MAP3K5: variants seen among roughly 807,000 people sequenced by gnomAD.
MAP3K5 encodes the protein ASK-1.
MAP3K5 carries 56 observed loss-of-function variants against 158.7 expected under a neutral mutation model. The observed-to-expected ratio is 0.35, with a 90% CI of 0.28 to 0.44. The LOEUF is 0.44. MAP3K5 is among the 20% of genes least tolerant of loss of function. The pLI, the probability that MAP3K5 is intolerant of heterozygous loss-of-function variation, is 1.00. For missense variants in MAP3K5, 1,294 were observed against 1,674.8 expected (o/e 0.77, Z 3.97); for synonymous variants, 579 against 601.7 (o/e 0.96, Z 0.55).
intron 5 of MAP3K5, 54 bp downstream of exon 5, chr6:136,697,165 C>T (rs1001593452): frequency 2.6e-6 from 4 of 1,513,512 alleles, no homozygotes; most frequent in Admixed American, 1.9e-5. Flanking sequence ...TTAATACTCC[C>T]TTATCCCTCC....
At chr6:136,759,599 T>C (rs1187182213) in intron 1 of MAP3K5, among the ~76,000 whole-genome samples, 1 of 150,702 alleles carries the variant, frequency 6.6e-6, no homozygotes, top group Non-Finnish European at 1.5e-5. Context: ...GCCTCCTGAA[T>C]AGCTGGGACT....
intron 1 of MAP3K5, among the ~76,000 whole-genome samples, chr6:136,738,346 G>A (rs1341651720): frequency 6.6e-6 from 1 of 152,086 alleles, no homozygotes; most frequent in Non-Finnish European, 1.5e-5. Flanking sequence ...CCTTATAGCT[G>A]CGGACCTGCT....
At chr6:136,585,473 C>CTTTCTTTCTTTCTTTCTTTATTTA (rs562356592) in intron 23 of MAP3K5, among the ~76,000 whole-genome samples, 1 of 135,038 alleles carries the variant, frequency 7.4e-6, no homozygotes, top group African/African-American at 2.7e-5. Flanking sequence ...CTTTTCTTTT[C>CTTTCTTTCTTTCTTTCTTTATTTA]TTTATTTATT....
At chr6:136,713,165 CT>C (rs1781382972) in intron 2 of MAP3K5, among the ~76,000 whole-genome samples, 2 of 152,194 alleles carry the variant, frequency 1.3e-5, no homozygotes, top group African/African-American at 4.8e-5. Context: ...TTCAGCAAGG[CT>C]TGCCCCACTC....
At chr6:136,779,996 G>A (rs1784552279) in intron 1 of MAP3K5, among the ~76,000 whole-genome samples, 1 of 152,222 alleles carries the variant, frequency 6.6e-6, no homozygotes, top group Admixed American at 6.5e-5. Flanking sequence ...AAAGCACTTG[G>A]AGAGACAGGC....
chr6:136,682,559 T>C (rs1206197917), intron 7 of MAP3K5, among the ~76,000 whole-genome samples: 2 of 152,254 alleles, frequency 1.3e-5, no homozygotes, highest in Non-Finnish European at 2.9e-5. Context: ...AGAAAACTAG[T>C]TGATAAGGCC....
chr6:136,594,214 G>A (rs1465282241), intron 21 of MAP3K5, among the ~76,000 whole-genome samples: 1 of 152,180 alleles, frequency 6.6e-6, no homozygotes, highest in Non-Finnish European at 1.5e-5. Flanking sequence ...AGCAGCTCAT[G>A]GGCCTAGCAT....
intron 14 of MAP3K5, among the ~76,000 whole-genome samples, chr6:136,627,168 C>G (rs1227642514): frequency 6.6e-6 from 1 of 152,134 alleles, no homozygotes; most frequent in African/African-American, 2.4e-5. Flanking sequence ...TTATTGCCAA[C>G]TGTTCTCAGA....
intron 25 of MAP3K5, among the ~76,000 whole-genome samples, chr6:136,578,268 C>T (rs1774708927): frequency 6.6e-6 from 1 of 152,162 alleles, no homozygotes; most frequent in Admixed American, 6.5e-5. Flanking sequence ...GCTTCAAAGG[C>T]TCTCTAGAAT....
Position 136,698,045 on chromosome 6 carries a change from T to A in MAP3K5, c.806+444A>T, listed in dbSNP as rs1369584100. ...CAGGCATGAGCCACGGCACTGGCCG[T>A]GATGTACCTATGATTTGAACATAAT... is the stretch of plus-strand genomic sequence containing the variant. On this transcript the variant is annotated intron_variant, in intron 4 of 29. Coordinates refer to ENST00000359015, the MANE Select transcript of MAP3K5 (RefSeq NM_005923.4). Among the ~76,000 whole-genome samples, 7 of 152,260 alleles carry A rather than the reference T, an allele frequency of 4.6e-5. 1 individual carries two copies. Among genetic ancestry groups the A allele is most frequent in the African/African-American group, 1.7e-4 (7 of 41,554 alleles).
At chr6:136,748,681 A>G (rs1423099934) in intron 1 of MAP3K5, among the ~76,000 whole-genome samples, 1 of 152,242 alleles carries the variant, frequency 6.6e-6, no homozygotes, top group Non-Finnish European at 1.5e-5. Context: ...ACAATAAGAT[A>G]CCTTAGAAAT....
At chr6:136,734,194 G>A (rs1263110522) in intron 1 of MAP3K5, among the ~76,000 whole-genome samples, 4 of 151,986 alleles carry the variant, frequency 2.6e-5, no homozygotes, top group Non-Finnish European at 5.9e-5. Flanking sequence ...TGAGGCAGGT[G>A]GATTACCTGA....
intron 3 of MAP3K5, among the ~76,000 whole-genome samples, chr6:136,702,869 T>C (rs1307396416): frequency 3.3e-5 from 5 of 152,208 alleles, no homozygotes; most frequent in African/African-American, 1.2e-4. Context: ...CTACTTGTTG[T>C]ATTTTTAGTA....
chr6:136,694,767 AC>A, intron 6 of MAP3K5, among the ~76,000 whole-genome samples: 1 of 152,344 alleles, frequency 6.6e-6, no homozygotes, highest in Middle Eastern at 3.4e-3. Context: ...ATCAAATCAA[AC>A]CCAAGAACTG....
intron 23 of MAP3K5, among the ~76,000 whole-genome samples, chr6:136,585,099 C>G (rs28458825): frequency 6.7e-6 from 1 of 148,816 alleles, no homozygotes; most frequent in African/African-American, 2.5e-5. Flanking sequence ...ATGATTTTTT[C>G]TTTTTGTTTT....
chr6:136,655,590 G>T (rs536027800), intron 10 of MAP3K5, among the ~76,000 whole-genome samples: 1 of 152,216 alleles, frequency 6.6e-6, no homozygotes, highest in South Asian at 2.1e-4. Flanking sequence ...CTTTGATGTG[G>T]AAAGAAATTT....
chr6:136,587,414 C>T (rs1353788110), intron 23 of MAP3K5, among the ~76,000 whole-genome samples: 2 of 152,192 alleles, frequency 1.3e-5, no homozygotes, highest in Non-Finnish European at 2.9e-5. Context: ...CTCACAATCT[C>T]AGTTACTCCT....
chr6:136,670,591 G>A (rs1454864719), intron 7 of MAP3K5, among the ~76,000 whole-genome samples: 2 of 151,708 alleles, frequency 1.3e-5, no homozygotes, highest in Non-Finnish European at 2.9e-5. Context: ...CATAGTGATA[G>A]GCACAATAGT....
At chr6:136,645,473 T>A (rs1420558972) in intron 11 of MAP3K5, among the ~76,000 whole-genome samples, 1 of 152,054 alleles carries the variant, frequency 6.6e-6, no homozygotes, top group Non-Finnish European at 1.5e-5. Flanking sequence ...TGCTTGATAA[T>A]CCGTGAGGTA....
Sources: allele counts gnomAD v4.1 joint callset (sites outside exome capture counted in the v4.1 genomes callset), GRCh38; gene constraint gnomAD v4.1.1; transcripts MANE v1.5; gene names NCBI Gene and HGNC (gene_info 2026-07-23, HGNC 2026-07-21).